Variants in FAM227A observed in about 807,000 individuals in gnomAD.
FAM227A encodes protein FAM227A.
Under a neutral mutation model 74.7 loss-of-function variants are expected in FAM227A, and 80 were observed. The observed-to-expected ratio is 1.07, with a 90% CI of 0.89 to 1.29. The LOEUF (loss-of-function observed/expected upper bound fraction) is 1.29, where lower values mean the gene tolerates loss of function less well. Ranked by LOEUF, FAM227A falls within the 50% of genes most tolerant of loss-of-function variation. The pLI, the probability that FAM227A is intolerant of heterozygous loss-of-function variation, is 0.00. For missense variants in FAM227A, 654 were observed against 683.4 expected (o/e 0.96, Z 0.48); for synonymous variants, 237 against 241.8 (o/e 0.98, Z 0.19).
chr22:38,602,293 C>T (rs2146224593), intron 13 of FAM227A, among the ~76,000 whole-genome samples: 1 of 152,318 alleles, frequency 6.6e-6, no homozygotes, highest in African/African-American at 2.4e-5. Context: ...TGGCCTCCCC[C>T]AATGTCCCCC....
intron 12 of FAM227A, 92 bp from the exon 13 acceptor site, chr22:38,605,440 C>A: frequency 2.9e-6 from 2 of 698,584 alleles, no homozygotes; most frequent in East Asian, 2.7e-5. Context: ...CAGGTGTGTG[C>A]CACCGCACCC....
At chr22:38,613,870 G>A (rs185367532) in intron 11 of FAM227A, among the ~76,000 whole-genome samples, 30 of 152,234 alleles carry the variant, frequency 2.0e-4, no homozygotes, top group African/African-American at 7.2e-4. Flanking sequence ...ACTCATCTGA[G>A]AGCTAGAATT....
chr22:38,635,466 G>A (rs546105103), intron 6 of FAM227A, among the ~76,000 whole-genome samples: 61 of 152,132 alleles, frequency 4.0e-4, no homozygotes, highest in African/African-American at 1.4e-3. Flanking sequence ...TACAGTGGCC[G>A]AGACCATTTC....
intron 13 of FAM227A, among the ~76,000 whole-genome samples, chr22:38,600,440 TCTC>T (rs1274001098): frequency 6.6e-5 from 10 of 151,708 alleles, no homozygotes; most frequent in Middle Eastern, 3.4e-3. Context: ...TTCAAGCAAT[TCTC>T]CTATCTCAGC....
At chr22:38,607,239 A>G in intron 12 of FAM227A, 150 bp downstream of exon 12, 1 of 559,134 alleles carries the variant, frequency 1.8e-6, no homozygotes, top group Admixed American at 3.1e-5. Flanking sequence ...ACATCCTTTC[A>G]TAAAATATTA....
chr22:38,586,530 T>C (rs1340552259), intron 16 of FAM227A, among the ~76,000 whole-genome samples: 1 of 152,160 alleles, frequency 6.6e-6, no homozygotes, highest in African/African-American at 2.4e-5. Flanking sequence ...AAAACCTGGA[T>C]TGTGTTTTCT....
chr22:38,645,479 C>T, intron 3 of FAM227A, 84 bp downstream of exon 3: 4 of 793,024 alleles, frequency 5.0e-6, no homozygotes, highest in South Asian at 1.6e-5. Flanking sequence ...AATGGAGAGG[C>T]CCCAGGGCAC....
chr22:38,604,666 T>A (rs2091246559), intron 13 of FAM227A, among the ~76,000 whole-genome samples: 1 of 152,186 alleles, frequency 6.6e-6, no homozygotes, highest in Non-Finnish European at 1.5e-5. Flanking sequence ...TTTATTTATT[T>A]TTTTTGAGAC....
intron 11 of FAM227A, among the ~76,000 whole-genome samples, chr22:38,617,351 A>G (rs1378057220): frequency 7.0e-6 from 1 of 143,324 alleles, no homozygotes; most frequent in Non-Finnish European, 1.5e-5. Context: ...GCTGGAGTGC[A>G]GCGGCACGAT....
chr22:38,649,134 C>T (rs2092286721), intron 2 of FAM227A, among the ~76,000 whole-genome samples: 2 of 152,154 alleles, frequency 1.3e-5, no homozygotes, highest in Non-Finnish European at 2.9e-5. Context: ...AATATTCTTC[C>T]CCATTCTTTC....
intron 13 of FAM227A, among the ~76,000 whole-genome samples, chr22:38,604,673 A>G (rs889077383): frequency 1.3e-5 from 2 of 152,000 alleles, no homozygotes; most frequent in African/African-American, 4.8e-5. Flanking sequence ...ATTTTTTTTG[A>G]GACGGAGTCA....
chr22:38,651,845 C>T (rs887757603), intron 1 of FAM227A, among the ~76,000 whole-genome samples: 1 of 152,128 alleles, frequency 6.6e-6, no homozygotes, highest in Admixed American at 6.5e-5. Flanking sequence ...ACCTTCTGCC[C>T]TCATGGAGCA....
chr22:38,645,941 C>T (rs975139200), intron 2 of FAM227A, among the ~76,000 whole-genome samples: 3 of 151,378 alleles, frequency 2.0e-5, no homozygotes, highest in African/African-American at 7.3e-5. Context: ...ACACCACCAC[C>T]CCTGGCCTAT....
intron 16 of FAM227A, 104 bp downstream of exon 16, chr22:38,591,331 A>G: frequency 6.9e-7 from 1 of 1,452,002 alleles, no homozygotes; most frequent in Non-Finnish European, 9.1e-7. Flanking sequence ...TCAGTAAAAT[A>G]AAATAAAATA....
chr22:38,603,651 G>C (rs1006541709), intron 13 of FAM227A, among the ~76,000 whole-genome samples: 8 of 152,090 alleles, frequency 5.3e-5, no homozygotes, highest in Non-Finnish European at 7.4e-5. Context: ...TCCACATTCG[G>C]GCTGATGCAG....
chr22:38,641,459 G>A (rs1192847403), intron 3 of FAM227A, among the ~76,000 whole-genome samples: 2 of 151,604 alleles, frequency 1.3e-5, no homozygotes, highest in African/African-American at 4.8e-5. Flanking sequence ...GCTGAGGCAG[G>A]AGAATTGCTT....
rs1257492481 is a variant in FAM227A at position 38,579,537 on chromosome 22, A to G, written c.*6588T>C. On this transcript the variant is annotated 3_prime_UTR_variant, in exon 17 of 17. Coordinates refer to ENST00000535113, the MANE Select transcript of FAM227A (RefSeq NM_001013647.2). ...GTGTAAAATATGCTTAGAAGTGTCC[A>G]TGGTAGATGCCTTTAATTTTAAAAA... 6.6e-6 allele frequency: 1 copy of G among 152,206 alleles called. No individual in the cohort carries two copies. Among genetic ancestry groups the G allele is most frequent in the Non-Finnish European group, 1.5e-5 (1 of 68,038 alleles). The allele number at this position is 152,206 out of a possible 1,614,324, so 9.4% of individuals were successfully genotyped here.
At position 38,584,804 on chromosome 22, in the gene FAM227A, ATT is replaced by A. The variant is rs1036124082; in HGVS notation, c.*1319_*1320del. The stretch of plus-strand genomic sequence containing the variant: ...ATTTAGTTAAAATTAATTAAAAAAA[ATT>A]TTTTTTTGAGACAGAGTTTCGCTCT... On this transcript the variant is annotated 3_prime_UTR_variant, in exon 17 of 17. Transcript: ENST00000535113. 6.6e-6 allele frequency: 1 copy of A among 151,352 alleles called. No individual in the cohort carries two copies. Among genetic ancestry groups the A allele is most frequent in the Admixed American group, 6.6e-5 (1 of 15,196 alleles). The allele number at this position is 151,352 out of a possible 1,614,324, so 9.4% of individuals were successfully genotyped here. A position where few individuals can be genotyped will look rare whatever the true frequency, so the allele number is the denominator to read the frequency against.
At chr22:38,631,200 G>T (rs908531502) in intron 6 of FAM227A, among the ~76,000 whole-genome samples, 1 of 152,084 alleles carries the variant, frequency 6.6e-6, no homozygotes, top group Non-Finnish European at 1.5e-5. Context: ...ACTGGATGAT[G>T]CAGCCATAAA....
Sources: gnomAD v4.1 joint callset for allele counts (sites outside exome capture counted in the v4.1 genomes callset) on GRCh38, gnomAD v4.1.1 for gene constraint, MANE v1.5 for transcripts, NCBI Gene and HGNC (gene_info 2026-07-23, HGNC 2026-07-21) for gene names.